Variants in ADAMTS3 observed in about 807,000 individuals in gnomAD.
ADAMTS3 encodes ADAM metallopeptidase with thrombospondin type 1 motif 3, also known as A disintegrin and metalloproteinase with thrombospondin motifs 3.
Under a neutral mutation model 129.0 loss-of-function variants are expected in ADAMTS3, and 73 were observed. The observed-to-expected ratio is 0.57, with a 90% CI of 0.47 to 0.69. ADAMTS3 has a LOEUF of 0.69. ADAMTS3 is among the 30% of genes least tolerant of loss of function. The probability of loss-of-function intolerance (pLI) is 0.00; values close to 1 mark genes in which losing one functional copy is unlikely to be tolerated. For synonymous variants in ADAMTS3, 477 were observed against 510.8 expected, an observed-to-expected ratio of 0.93 and a Z score of 0.89; for missense variants, 1,457 against 1,514.5, an observed-to-expected ratio of 0.96 and a Z score of 0.63.
intron 6 of ADAMTS3, 131 bp from the exon 7 acceptor site, chr4:72,321,001 G>C: frequency 1.1e-6 from 1 of 904,658 alleles, no homozygotes; most frequent in Non-Finnish European, 1.6e-6. Context: ...GGCTTATTCT[G>C]ATATTTGCTT....
In ADAMTS3 at chr4:72,295,660, T is replaced by G. The variant is rs767779127; in HGVS notation, c.2717A>C (p.His906Pro). The G allele has an allele frequency of 6.2e-7, 1 of 1,611,474 alleles. No homozygotes were observed. Among genetic ancestry groups the G allele is most frequent in the South Asian group, 1.1e-5 (1 of 90,734 alleles). ...RRMCNIQECTHPLWVAEEWEH... is the reference protein window; with the variant it reads ...RRMCNIQECTPPLWVAEEWEH... ...AGTTAAAATAGATGCTTACAGTGGA[T>G]GTGTACACTCTTGAATATTGCACAT... The change falls in exon 19 of 22, where the codon CAT becomes CCT. Residue 906 changes from histidine (H) to proline (P), a missense_variant. Coordinates refer to ENST00000286657, the MANE Select transcript of ADAMTS3 (RefSeq NM_014243.3).
At chr4:72,288,471 A>G (rs1299371273) in intron 21 of ADAMTS3, among the ~76,000 whole-genome samples, 2 of 152,232 alleles carry the variant, frequency 1.3e-5, no homozygotes, top group African/African-American at 4.8e-5. Flanking sequence ...CCTATTAGCA[A>G]CACAAATTGA....
At chr4:72,412,906 G>A (rs1452462543) in intron 4 of ADAMTS3, among the ~76,000 whole-genome samples, 1 of 151,914 alleles carries the variant, frequency 6.6e-6, no homozygotes, top group Non-Finnish European at 1.5e-5. Flanking sequence ...TAAGTAAACT[G>A]AGTATGTTGA....
intron 2 of ADAMTS3, among the ~76,000 whole-genome samples, chr4:72,562,357 A>C (rs2109806979): frequency 6.6e-6 from 1 of 152,336 alleles, no homozygotes; most frequent in Middle Eastern, 3.4e-3. Flanking sequence ...CTCAGTAACC[A>C]ACTTGTGGGG....
intron 4 of ADAMTS3, among the ~76,000 whole-genome samples, chr4:72,357,594 T>C (rs965546064): frequency 2.6e-5 from 4 of 151,890 alleles, no homozygotes; most frequent in Non-Finnish European, 5.9e-5. Context: ...TGTGTGTGTA[T>C]ATATAAAAAT....
chr4:72,478,867 A>G (rs1433455607), intron 3 of ADAMTS3, among the ~76,000 whole-genome samples: 20 of 151,634 alleles, frequency 1.3e-4, no homozygotes, highest in African/African-American at 3.4e-4. Context: ...AAATCAATGT[A>G]CAAAAATCAC....
At chr4:72,422,344 C>T (rs568720102) in intron 3 of ADAMTS3, among the ~76,000 whole-genome samples, 3 of 152,076 alleles carry the variant, frequency 2.0e-5, no homozygotes, top group African/African-American at 7.2e-5. Flanking sequence ...CACATAAAGT[C>T]CTGCATTGAT....
chr4:72,516,231 T>TAA (rs1288242580), intron 3 of ADAMTS3, among the ~76,000 whole-genome samples: 1 of 152,196 alleles, frequency 6.6e-6, no homozygotes, highest in African/African-American at 2.4e-5. Context: ...GCTGTTTTGG[T>TAA]TACTGTGGCC....
intron 3 of ADAMTS3, among the ~76,000 whole-genome samples, chr4:72,434,990 C>A (rs1335666864): frequency 6.6e-6 from 1 of 151,802 alleles, no homozygotes; most frequent in Non-Finnish European, 1.5e-5. Flanking sequence ...TGCCACCAAC[C>A]TGAACGAACT....
chr4:72,345,024 T>C (rs998594693), intron 4 of ADAMTS3, among the ~76,000 whole-genome samples: 1 of 152,140 alleles, frequency 6.6e-6, no homozygotes, highest in African/African-American at 2.4e-5. Context: ...CAGTACTCTT[T>C]ACTCCCTATG....
At chr4:72,490,899 G>C (rs1045093129) in intron 3 of ADAMTS3, among the ~76,000 whole-genome samples, 5 of 151,820 alleles carry the variant, frequency 3.3e-5, no homozygotes, top group African/African-American at 1.2e-4. Context: ...GAAATGCACT[G>C]AGTCTGTATA....
chr4:72,449,973 A>C (rs1329517372), intron 3 of ADAMTS3, among the ~76,000 whole-genome samples: 1 of 151,624 alleles, frequency 6.6e-6, no homozygotes, highest in African/African-American at 2.4e-5. Context: ...TAACATTAAG[A>C]CTTCTCCTAA....
intron 3 of ADAMTS3, among the ~76,000 whole-genome samples, chr4:72,515,417 T>C (rs1190408560): frequency 6.6e-6 from 1 of 151,924 alleles, no homozygotes; most frequent in Non-Finnish European, 1.5e-5. Flanking sequence ...CCACACTGAC[T>C]TCCACAATGG....
intron 2 of ADAMTS3, among the ~76,000 whole-genome samples, chr4:72,566,509 A>G (rs1722023855): frequency 6.6e-6 from 1 of 152,242 alleles, no homozygotes; most frequent in Non-Finnish European, 1.5e-5. Context: ...GCAGTTATAA[A>G]AACTTTTCTT....
rs146979323 is a variant in ADAMTS3, at chr4:72,313,729, G to A, written c.1693C>T (p.Arg565Trp). The change falls in exon 12 of 22, where the codon CGG (arginine) becomes TGG (tryptophan). Residue 565 changes from arginine (R) to tryptophan (W), a missense_variant. Physicochemically the swap from Arg to Trp is moderately radical, Grantham distance 101 (BLOSUM62 -3). Transcript: ENST00000286657. ...AAACGAACACCAGTTCCACATGTCC[G>A]AGAACAGGAGCCAAATTTAGTCCAT... ...GSWTKFGSCS[R>W]TCGTGVRFRT... is the part of the protein sequence containing the mutation. 118 of 1,613,648 alleles carry A rather than the reference G, an allele frequency of 7.3e-5. No homozygotes were observed. Among genetic ancestry groups the A allele is most frequent in the Non-Finnish European group, 8.4e-5 (99 of 1,179,866 alleles).
chr4:72,328,265 T>A (rs1406939715), intron 5 of ADAMTS3, among the ~76,000 whole-genome samples: 1 of 152,172 alleles, frequency 6.6e-6, no homozygotes, highest in Non-Finnish European at 1.5e-5. Context: ...AGTTTGTCAA[T>A]GATGTGAGGG....
chr4:72,504,609 C>T (rs1286812756), intron 3 of ADAMTS3, among the ~76,000 whole-genome samples: 2 of 152,058 alleles, frequency 1.3e-5, no homozygotes, highest in South Asian at 2.1e-4. Flanking sequence ...TGGATATCTA[C>T]CTCTCTAGGA....
intron 3 of ADAMTS3, among the ~76,000 whole-genome samples, chr4:72,496,470 C>T (rs1345610670): frequency 2.0e-5 from 3 of 152,216 alleles, no homozygotes; most frequent in Admixed American, 2.0e-4. Flanking sequence ...TTTCCAACCT[C>T]TGTAATCTGT....
At chr4:72,515,831 T>C in intron 3 of ADAMTS3, among the ~76,000 whole-genome samples, 1 of 152,084 alleles carries the variant, frequency 6.6e-6, no homozygotes. Flanking sequence ...GCAGAAGCTC[T>C]TTAGTTTAGT....
Sources: allele counts gnomAD v4.1 joint callset (sites outside exome capture counted in the v4.1 genomes callset), GRCh38; gene constraint gnomAD v4.1.1; transcripts MANE v1.5; gene names NCBI Gene and HGNC (gene_info 2026-07-23, HGNC 2026-07-21).